The following HSD17B3 variants were observed in gnomAD, a reference collection of about 807,000 sequenced individuals.
HSD17B3 encodes hydroxysteroid 17-beta dehydrogenase 3, also known as 17-beta-hydroxysteroid dehydrogenase type 3.
HSD17B3 carries 29 observed loss-of-function variants against 41.1 expected under a neutral mutation model. That is an observed-to-expected ratio of 0.71 (90% CI 0.53 to 0.96). HSD17B3 has a LOEUF of 0.96. Ranked by LOEUF, HSD17B3 falls within the 40% of genes least tolerant of loss-of-function variation. The pLI is 0.00. For missense variants in HSD17B3, 323 were observed against 374.6 expected (o/e 0.86, Z 1.14); for synonymous variants, 126 against 145.6 (o/e 0.87, Z 0.97).
chr9:96,300,248 A>ACACG (rs1554705306), intron 1 of HSD17B3, among the ~76,000 whole-genome samples: 110 of 150,850 alleles, frequency 7.3e-4, no homozygotes, highest in Admixed American at 2.0e-3. Context: ...ACACACACAC[A>ACACG]CACACGCACA....
intron 10 of HSD17B3, among the ~76,000 whole-genome samples, chr9:96,237,487 A>C (rs1253385804): frequency 6.6e-6 from 1 of 152,244 alleles, no homozygotes; most frequent in Admixed American, 6.5e-5. Flanking sequence ...GGCAACATGC[A>C]TGAAGCCTCC....
intron 2 of HSD17B3, among the ~76,000 whole-genome samples, chr9:96,289,710 C>T (rs753331326): frequency 4.6e-5 from 7 of 152,138 alleles, no homozygotes; most frequent in South Asian, 2.1e-4. Context: ...AAGAGGGGGG[C>T]GCCCGAGAAC....
intron 2 of HSD17B3, among the ~76,000 whole-genome samples, chr9:96,276,293 G>C (rs1431360546): frequency 2.0e-5 from 3 of 152,006 alleles, no homozygotes; most frequent in Non-Finnish European, 4.4e-5. Flanking sequence ...TGGATTAGAA[G>C]ATAGAAGAAT....
At chr9:96,287,033 T>G (rs1826949685) in intron 2 of HSD17B3, among the ~76,000 whole-genome samples, 1 of 152,070 alleles carries the variant, frequency 6.6e-6, no homozygotes, top group Non-Finnish European at 1.5e-5. Flanking sequence ...TCTCTTGGGG[T>G]CTGGATCAGG....
intron 2 of HSD17B3, among the ~76,000 whole-genome samples, chr9:96,255,355 G>GC (rs1223570101): frequency 1.0e-5 from 1 of 96,654 alleles, no homozygotes; most frequent in Admixed American, 1.3e-4. Flanking sequence ...CAGTGTTTCT[G>GC]CCCCAACATT....
In HSD17B3 at chr9:96,251,319, C is replaced by A. The variant is rs1266332521; in HGVS notation, c.453+99G>T. 3.1e-6 allele frequency: 3 copies of A among 975,474 alleles called. No individual in the cohort carries two copies. The African/African-American group carries it at 4.8e-5, about 16-fold the overall frequency. The allele number at this position is 975,474 out of a possible 1,614,324, so 60.4% of individuals were successfully genotyped here. On this transcript the variant is annotated intron_variant, in intron 5 of 10. Transcript: ENST00000375263. ...TACAGTCCAGGATTTCGGCCAGATG[C>A]ATGCTTCCATCACGCCTTCCCAGGC...
intron 2 of HSD17B3, among the ~76,000 whole-genome samples, chr9:96,287,299 G>A (rs997502943): frequency 5.3e-5 from 8 of 152,194 alleles, no homozygotes; most frequent in Non-Finnish European, 1.2e-4. Context: ...GGACCCACAG[G>A]GGCAGGCAGG....
At chr9:96,269,395 C>A (rs1468297655) in intron 2 of HSD17B3, among the ~76,000 whole-genome samples, 1 of 152,124 alleles carries the variant, frequency 6.6e-6, no homozygotes, top group Admixed American at 6.5e-5. Flanking sequence ...ATGACATATC[C>A]TGCAGGAGGC....
At chr9:96,269,484 T>C (rs1204591145) in intron 2 of HSD17B3, among the ~76,000 whole-genome samples, 1 of 152,064 alleles carries the variant, frequency 6.6e-6, no homozygotes, top group Admixed American at 6.5e-5. Flanking sequence ...TTGGGATGTA[T>C]TGGAATGCTG....
chr9:96,240,680 A>G, intron 10 of HSD17B3, 78 bp downstream of exon 10: 1 of 1,411,526 alleles, frequency 7.1e-7, no homozygotes, highest in South Asian at 1.1e-5. Flanking sequence ...GCAGCAAGGA[A>G]GAGCTAGCCC....
chr9:96,243,201 A>G (rs1435317555), intron 9 of HSD17B3, among the ~76,000 whole-genome samples: 3 of 152,196 alleles, frequency 2.0e-5, no homozygotes, highest in African/African-American at 7.2e-5. Context: ...TTACTGCAGC[A>G]AACTTAGCCC....
chr9:96,282,346 G>A (rs1826732629), intron 2 of HSD17B3, among the ~76,000 whole-genome samples: 1 of 152,162 alleles, frequency 6.6e-6, no homozygotes, highest in Non-Finnish European at 1.5e-5. Flanking sequence ...AAAGTGTAAT[G>A]TCTTTTAGTT....
intron 3 of HSD17B3, 70 bp from the exon 4 acceptor site, chr9:96,252,980 C>T (rs1825485719): frequency 2.2e-6 from 2 of 915,776 alleles, no homozygotes; most frequent in East Asian, 4.8e-5. Flanking sequence ...AAGTTTCCCC[C>T]AGTGCTCCTG....
At chr9:96,281,358 G>A (rs1257527259) in intron 2 of HSD17B3, among the ~76,000 whole-genome samples, 5 of 152,050 alleles carry the variant, frequency 3.3e-5, no homozygotes, top group East Asian at 1.9e-4. Context: ...TAAGTGGGGC[G>A]CATTTACCCG....
At chr9:96,276,213 C>A (rs8190526) in intron 2 of HSD17B3, among the ~76,000 whole-genome samples, 2 of 148,846 alleles carry the variant, frequency 1.3e-5, no homozygotes, top group African/African-American at 5.0e-5. Flanking sequence ...AAGACTTGTA[C>A]GCTAAAATTT....
chr9:96,240,637 C>T (rs750277777), intron 10 of HSD17B3, 121 bp downstream of exon 10: 25 of 1,015,470 alleles, frequency 2.5e-5, no homozygotes, highest in Non-Finnish European at 3.7e-5. Context: ...AGTCCTTGTA[C>T]CTGGCTATAT....
At chr9:96,293,647 G>A (rs1413423763) in intron 2 of HSD17B3, among the ~76,000 whole-genome samples, 1 of 149,152 alleles carries the variant, frequency 6.7e-6, no homozygotes, top group Non-Finnish European at 1.5e-5. Flanking sequence ...ATGTGTCTGT[G>A]TGTCTGTGTG....
chr9:96,283,737 T>C (rs558820355), intron 2 of HSD17B3, among the ~76,000 whole-genome samples: 1 of 151,878 alleles, frequency 6.6e-6, no homozygotes, highest in South Asian at 2.1e-4. Context: ...TGTTGTCTTG[T>C]TTTGGTCCTC....
chr9:96,295,163 C>G (rs1353339741), intron 2 of HSD17B3, among the ~76,000 whole-genome samples: 1 of 151,276 alleles, frequency 6.6e-6, no homozygotes, highest in East Asian at 1.9e-4. Context: ...AGCACCACCA[C>G]GCCTGGCTAA....
Sources: allele counts gnomAD v4.1 joint callset (sites outside exome capture counted in the v4.1 genomes callset), GRCh38; gene constraint gnomAD v4.1.1; transcripts MANE v1.5; gene names NCBI Gene and HGNC (gene_info 2026-07-23, HGNC 2026-07-21).